Variants in SORCS2 observed in about 807,000 individuals in gnomAD.
SORCS2 encodes sortilin related VPS10 domain containing receptor 2.
A neutral mutation model predicts 141.6 loss-of-function variants in SORCS2; 100 were observed. The ratio of observed to expected loss-of-function variants is 0.71; its 90% confidence interval spans 0.60 to 0.83. SORCS2 has a LOEUF of 0.83. Among genes scored for constraint, SORCS2 ranks in the 40% least tolerant of loss-of-function variants. SORCS2 has a pLI of 0.00. For synonymous variants in SORCS2, 789 were observed against 676.9 expected, an observed-to-expected ratio of 1.17 and a Z score of -2.57; for missense variants, 1,646 against 1,560.2, an observed-to-expected ratio of 1.05 and a Z score of -0.93.
intron 2 of SORCS2, among the ~76,000 whole-genome samples, chr4:7,425,233 G>T (rs947581954): frequency 1.3e-5 from 2 of 152,184 alleles, no homozygotes; most frequent in Non-Finnish European, 2.9e-5. Flanking sequence ...GCCCTTGATC[G>T]CTGTGGGGTG....
At chr4:7,658,607 C>T (rs1721954141) in intron 5 of SORCS2, among the ~76,000 whole-genome samples, 2 of 152,158 alleles carry the variant, frequency 1.3e-5, no homozygotes, top group African/African-American at 4.8e-5. Context: ...TGCTGGTGCC[C>T]CTGTGTTTGA....
intron 2 of SORCS2, among the ~76,000 whole-genome samples, chr4:7,498,286 C>T (rs1731754842): frequency 6.6e-6 from 1 of 152,198 alleles, no homozygotes; most frequent in Admixed American, 6.5e-5. Flanking sequence ...GACCCAGTCC[C>T]CTGCCTTGGC....
rs562680707 is a variant in SORCS2, at chr4:7,601,392, G to A, written c.649-36936G>A. On this transcript the variant is annotated intron_variant, in intron 3 of 26. Coordinates refer to ENST00000507866, the MANE Select transcript of SORCS2 (RefSeq NM_020777.3). The stretch of plus-strand genomic sequence containing the variant: ...TTAAACATTTGTAGAACTCTTTTAA[G>A]GTTGTTTTTCACTAGATAGTGAGCT... 2.6e-5 allele frequency among the ~76,000 whole-genome samples: 4 copies of A among 151,700 alleles called. No individual in the cohort carries two copies. The East Asian group carries it at 7.7e-4, about 29-fold the overall frequency.
At chr4:7,706,744 G>A (rs1382697701) in intron 14 of SORCS2, among the ~76,000 whole-genome samples, 2 of 146,754 alleles carry the variant, frequency 1.4e-5, no homozygotes, top group Non-Finnish European at 1.5e-5. Flanking sequence ...GCCTGGGCAG[G>A]GATGAGGCTG....
At chr4:7,526,352 C>T (rs531264844) in intron 2 of SORCS2, among the ~76,000 whole-genome samples, 104 of 152,324 alleles carry the variant, frequency 6.8e-4, no homozygotes, top group African/African-American at 2.2e-3. Flanking sequence ...TGAAGAGAAA[C>T]AGGTGGCATG....
intron 2 of SORCS2, among the ~76,000 whole-genome samples, chr4:7,414,255 T>C (rs58244745): frequency 0.091 from 13,890 of 152,160 alleles, 1,365 homozygotes; most frequent in African/African-American, 0.23. Context: ...TAGCCCACAG[T>C]TGCACATGGC....
At chr4:7,203,565 G>A (rs1325253306) in intron 1 of SORCS2, among the ~76,000 whole-genome samples, 1 of 147,444 alleles carries the variant, frequency 6.8e-6, no homozygotes, top group Non-Finnish European at 1.5e-5. Flanking sequence ...AGTGAGCCGA[G>A]ATCGTGCCAC....
chr4:7,396,489 G>T, intron 2 of SORCS2, 134 bp downstream of exon 2: 1 of 849,716 alleles, frequency 1.2e-6, no homozygotes, highest in Non-Finnish European at 1.8e-6. Flanking sequence ...ACTTTTCTTT[G>T]GCTAGAAAAT....
chr4:7,280,266 G>A (rs773321556), intron 1 of SORCS2, among the ~76,000 whole-genome samples: 54 of 152,020 alleles, frequency 3.6e-4, no homozygotes, highest in Non-Finnish European at 5.9e-4. Flanking sequence ...TCTGTGCTCC[G>A]GTAGGAAGAG....
intron 1 of SORCS2, among the ~76,000 whole-genome samples, chr4:7,356,731 G>T (rs948659295): frequency 6.6e-6 from 1 of 152,230 alleles, no homozygotes; most frequent in African/African-American, 2.4e-5. Flanking sequence ...CTTCATAAGT[G>T]CAGGCCTGGC....
At chr4:7,411,405 C>A (rs1270817958) in intron 2 of SORCS2, among the ~76,000 whole-genome samples, 1 of 152,110 alleles carries the variant, frequency 6.6e-6, no homozygotes, top group Non-Finnish European at 1.5e-5. Flanking sequence ...CCTTGCTCCC[C>A]CTTTCCCATG....
chr4:7,583,821 A>G (rs1207574631), intron 3 of SORCS2, among the ~76,000 whole-genome samples: 1 of 152,226 alleles, frequency 6.6e-6, no homozygotes, highest in Non-Finnish European at 1.5e-5. Flanking sequence ...ACTAATACAT[A>G]TGAGCACTTT....
intron 2 of SORCS2, among the ~76,000 whole-genome samples, chr4:7,450,103 G>A (rs925458584): frequency 4.6e-5 from 7 of 152,312 alleles, no homozygotes; most frequent in African/African-American, 9.6e-5. Flanking sequence ...TGGTGCCTTC[G>A]GGACCTGGGC....
intron 3 of SORCS2, among the ~76,000 whole-genome samples, chr4:7,605,293 C>T (rs1717989511): frequency 6.6e-6 from 1 of 152,190 alleles, no homozygotes; most frequent in Non-Finnish European, 1.5e-5. Context: ...CACAGAACTC[C>T]TGCTTGCATT....
At chr4:7,523,250 A>C (rs1277713834) in intron 2 of SORCS2, among the ~76,000 whole-genome samples, 1 of 152,148 alleles carries the variant, frequency 6.6e-6, no homozygotes, top group Non-Finnish European at 1.5e-5. Flanking sequence ...GATGTACAGG[A>C]ATTCGATCCA....
intron 2 of SORCS2, among the ~76,000 whole-genome samples, chr4:7,428,061 A>T (rs1336727759): frequency 6.6e-6 from 1 of 151,726 alleles, no homozygotes; most frequent in Non-Finnish European, 1.5e-5. Flanking sequence ...CCATACCCAG[A>T]CTCCATCCAG....
At chr4:7,722,766 C>T (rs1391286921) in intron 18 of SORCS2, among the ~76,000 whole-genome samples, 1 of 152,216 alleles carries the variant, frequency 6.6e-6, no homozygotes, top group Admixed American at 6.5e-5. Context: ...CTGACCAGCT[C>T]AATTTACCAC....
intron 1 of SORCS2, among the ~76,000 whole-genome samples, chr4:7,392,744 G>C (rs1204043784): frequency 2.6e-5 from 4 of 151,940 alleles, no homozygotes; most frequent in African/African-American, 2.4e-5. Flanking sequence ...ACAGAGGGGG[G>C]AGGGCAGCAA....
At chr4:7,402,654 T>C (rs984428492) in intron 2 of SORCS2, among the ~76,000 whole-genome samples, 2 of 152,316 alleles carry the variant, frequency 1.3e-5, no homozygotes, top group Non-Finnish European at 2.9e-5. Context: ...GGGTGGAAGA[T>C]GTGTGCACAA....
Sources: allele counts gnomAD v4.1 joint callset (sites outside exome capture counted in the v4.1 genomes callset), GRCh38; gene constraint gnomAD v4.1.1; transcripts MANE v1.5; gene names NCBI Gene and HGNC (gene_info 2026-07-23, HGNC 2026-07-21).